The following TTK variants were observed in gnomAD, a reference collection of about 807,000 sequenced individuals.
TTK encodes the protein dual specificity protein kinase TTK.
Under a neutral mutation model 117.3 loss-of-function variants are expected in TTK, and 59 were observed. The ratio of observed to expected loss-of-function variants is 0.50; its 90% CI spans 0.41 to 0.62. TTK has a LOEUF of 0.62. TTK is among the 20% of genes least tolerant of loss of function. The pLI, the probability that TTK is intolerant of heterozygous loss-of-function variation, is 0.00. For missense variants in TTK, 921 were observed against 989.4 expected (o/e 0.93, Z 0.93); for synonymous variants, 302 against 325.0 (o/e 0.93, Z 0.76).
At chr6:80,040,331 T>C in intron 20 of TTK, 51 bp downstream of exon 20, 1 of 1,400,308 alleles carries the variant, frequency 7.1e-7, no homozygotes, top group Non-Finnish European at 9.7e-7. Flanking sequence ...GTATAAACAG[T>C]CTGTTACCTA....
chr6:80,031,611 GT>G lies in TTK; in HGVS notation c.1614+59del, dbSNP rs771096836. On this transcript the variant is annotated intron_variant, in intron 14 of 21. Coordinates refer to ENST00000369798, the MANE Select transcript of TTK (RefSeq NM_003318.5). Reference sequence around the variant, plus strand: ...TAAATAAAAATATTTTAAACTTTCTGTTTTTTTGTCTTTTTACCTGTGAGGG... The same window carrying G: ...TAAATAAAAATATTTTAAACTTTCTGTTTTTTGTCTTTTTACCTGTGAGGG... 51 of 1,361,980 alleles carry G rather than the reference GT, an allele frequency of 3.7e-5. No homozygotes were observed. In the African/African-American group the frequency reaches 7.5e-4, roughly 20 times the overall value. 84.4% of individuals were successfully genotyped at this position (1,361,980 alleles called of 1,614,324 possible). A position where few individuals can be genotyped will look rare whatever the true frequency, so the allele number is the denominator to read the frequency against.
intron 3 of TTK, 65 bp from the exon 4 acceptor site, chr6:80,008,321 A>G: frequency 1.4e-6 from 2 of 1,464,158 alleles, no homozygotes; most frequent in Non-Finnish European, 1.9e-6. Flanking sequence ...AATTGAATGA[A>G]GCATTATCAA....
chr6:80,011,773 C>T lies in TTK; in HGVS notation c.773C>T (p.Ser258Leu), dbSNP rs193272979. ...GATGCAGAAATAGGTTACCGGAATT[C>T]ATTGAGACAAACTAACAAAACTAAA... ...PQDAEIGYRN[S>L]LRQTNKTKQS... The change falls in exon 7 of 22, where the codon TCA becomes TTA. Residue 258 changes from serine to leucine, a missense_variant. Coordinates refer to ENST00000369798, the MANE Select transcript of TTK (RefSeq NM_003318.5). The T allele has an allele frequency of 1.1e-5, 18 of 1,612,740 alleles. No homozygotes were observed. The African/African-American group carries it at 2.3e-4, about 20-fold the overall frequency.
chr6:80,011,378 T>A, intron 5 of TTK, 56 bp from the exon 6 acceptor site: 1 of 1,237,352 alleles, frequency 8.1e-7, no homozygotes, highest in African/African-American at 1.5e-5. Context: ...TAAGATCACT[T>A]TTTTGTACTT....
chr6:80,040,783 G>T, intron 21 of TTK, 80 bp downstream of exon 21: 2 of 1,361,256 alleles, frequency 1.5e-6, no homozygotes, highest in Non-Finnish European at 2.0e-6. Flanking sequence ...GTAGTCTGAA[G>T]AAAAGTTGGT....
At position 80,011,818 on chromosome 6, in the gene TTK, C is replaced by G. The variant is rs762703407; in HGVS notation, c.801+17C>G. ...ACTAAACAGGTAAGTTACTTTCAAT[C>G]TGCTTGATTAAGGTGGTGATAGTCT... is the stretch of plus-strand genomic sequence containing the variant. On this transcript the variant is annotated intron_variant, in intron 7 of 21. Coordinates refer to ENST00000369798, the MANE Select transcript of TTK (RefSeq NM_003318.5). 1 of 1,612,408 alleles carries G rather than the reference C, an allele frequency of 6.2e-7. No homozygotes were observed. The highest frequency in any genetic ancestry group is 1.3e-5 in the African/African-American group (1 of 74,954).
chr6:80,033,062 AAATC>A (rs1767801341), intron 14 of TTK, among the ~76,000 whole-genome samples: 1 of 152,208 alleles, frequency 6.6e-6, no homozygotes, highest in Non-Finnish European at 1.5e-5. Context: ...CATCTAAAAA[AAATC>A]AAACTTGTTT....
At chr6:80,037,840 A>G (rs1294235007) in intron 17 of TTK, 127 bp from the exon 18 acceptor site, 14 of 409,964 alleles carry the variant, frequency 3.4e-5, no homozygotes, top group Admixed American at 9.5e-5. Flanking sequence ...TGGCATTTGT[A>G]TTTTTAAGAA....
intron 21 of TTK, among the ~76,000 whole-genome samples, chr6:80,040,923 A>T (rs1768033476): frequency 6.6e-6 from 1 of 151,856 alleles, no homozygotes; most frequent in South Asian, 2.1e-4. Flanking sequence ...AGATCATCAC[A>T]TAAGGTGCAT....
chr6:80,026,334 A>G (rs2127677645), intron 11 of TTK, 44 bp from the exon 12 acceptor site: 1 of 1,577,824 alleles, frequency 6.3e-7, no homozygotes, highest in Non-Finnish European at 8.6e-7. Context: ...TGAACAGGCA[A>G]CTAATTTAAA....
intron 2 of TTK, among the ~76,000 whole-genome samples, chr6:80,007,605 A>G (rs976994914): frequency 6.6e-6 from 1 of 152,152 alleles, no homozygotes. Flanking sequence ...GCTTTTGGAT[A>G]AAGTATACCT....
intron 9 of TTK, 180 bp downstream of exon 9, chr6:80,013,546 G>C: frequency 2.1e-6 from 1 of 475,928 alleles, no homozygotes; most frequent in South Asian, 3.6e-5. Context: ...CCTAGACTAT[G>C]TTTCTCCAAG....
In TTK at chr6:80,035,111, C is replaced by A; in HGVS notation, c.1741C>A (p.His581Asn). 1.3e-6 allele frequency: 2 copies of A among 1,582,484 alleles called. No individual in the cohort carries two copies. Among genetic ancestry groups the A allele is most frequent in the Admixed American group, 1.9e-5 (1 of 51,496 alleles). ...AGCTTATTTGAATAAACTACAACAA[C>A]ACAGTGATAAGATCATCCGACTTTA... ...EIAYLNKLQQ[H>N]SDKIIRLYDY... Residue 581 changes from histidine (H) to asparagine (N), a missense_variant, in exon 15 of 22, where the codon CAC becomes AAC. Coordinates refer to ENST00000369798, the MANE Select transcript of TTK (RefSeq NM_003318.5).
intron 1 of TTK, among the ~76,000 whole-genome samples, chr6:80,005,556 AT>A (rs145613908): frequency 0.11 from 17,090 of 152,018 alleles, 1,260 homozygotes; most frequent in South Asian, 0.16. Flanking sequence ...ACTCTATCAT[AT>A]TTTTTTTAAG....
chr6:80,008,030 G>C lies in TTK; in HGVS notation c.361G>C (p.Ala121Pro). Residue 121 changes from alanine (A) to proline (P), a missense_variant and splice_region_variant, in exon 3 of 22, where the codon GCT becomes CCT. Physicochemically the swap from Ala to Pro is conservative, Grantham distance 27. Transcript: ENST00000369798. ...TCAAGTGAGATTTGCTGAATTAAAA[G>C]CGTAAGTATTAGCATTTTAACTATG... Reference protein sequence around the residue: ...RIQVRFAELKAIQEPDDARDY... With the variant: ...RIQVRFAELKPIQEPDDARDY... The C allele has an allele frequency of 1.2e-6, 2 of 1,612,960 alleles. No homozygotes were observed. Among genetic ancestry groups the C allele is most frequent in the Non-Finnish European group, 1.7e-6 (2 of 1,179,396 alleles).
intron 11 of TTK, among the ~76,000 whole-genome samples, chr6:80,023,649 T>G (rs1562018565): frequency 6.6e-6 from 1 of 152,174 alleles, no homozygotes; most frequent in Non-Finnish European, 1.5e-5. Context: ...TAAATGTACT[T>G]TTATGAAAAA....
chr6:80,021,890 G>C (rs1454389208), intron 10 of TTK, among the ~76,000 whole-genome samples: 2 of 151,982 alleles, frequency 1.3e-5, no homozygotes, highest in African/African-American at 4.8e-5. Flanking sequence ...GGGAAAGGGA[G>C]AAACTAAGGG....
At chr6:80,035,560 TAAAG>T (rs1767884202) in intron 16 of TTK, 143 bp downstream of exon 16, 2 of 942,906 alleles carry the variant, frequency 2.1e-6, no homozygotes, top group Non-Finnish European at 1.5e-6. Context: ...TATTTAAAGA[TAAAG>T]GAACAAAACC....
At chr6:80,032,167 G>A (rs1043033765) in intron 14 of TTK, among the ~76,000 whole-genome samples, 1 of 152,002 alleles carries the variant, frequency 6.6e-6, no homozygotes, top group African/African-American at 2.4e-5. Flanking sequence ...CAGAATAACT[G>A]TAATCAAGAA....
Sources: allele counts gnomAD v4.1 joint callset (sites outside exome capture counted in the v4.1 genomes callset), GRCh38; gene constraint gnomAD v4.1.1; transcripts MANE v1.5; gene names NCBI Gene and HGNC (gene_info 2026-07-23, HGNC 2026-07-21).